Variants in TBC1D16 observed in about 807,000 individuals in gnomAD.
The protein encoded by TBC1D16 is CTD-2529O21.1.
In TBC1D16, 58 loss-of-function variants were observed where a neutral mutation model predicts 74.7. The observed-to-expected ratio is 0.78, with a 90% CI of 0.63 to 0.97. The LOEUF is 0.97. Among genes scored for constraint, TBC1D16 ranks in the 50% least tolerant of loss-of-function variants. TBC1D16 has a pLI of 0.00. For missense variants in TBC1D16, 1,014 were observed against 1,079.5 expected, an observed-to-expected ratio of 0.94 and a Z score of 0.85; for synonymous variants, 493 against 474.7, an observed-to-expected ratio of 1.04 and a Z score of -0.50.
rs1468532228 is a variant in TBC1D16, at chr17:79,991,212, C to A, written c.779+18948G>T. Among the ~76,000 whole-genome samples the A allele has an allele frequency of 2.0e-5, 3 of 152,248 alleles. No individual in the cohort carries two copies. The South Asian group carries it at 6.2e-4, about 31-fold the overall frequency. The stretch of plus-strand genomic sequence containing the variant: ...TGGGCTGTCCCGGGGGCGGTCCCTG[C>A]GTCCACGCCGGGAGAGCAGGAATGA... On this transcript the variant is annotated intron_variant, in intron 3 of 11. Coordinates refer to ENST00000310924, the MANE Select transcript of TBC1D16 (RefSeq NM_019020.4).
rs1305180959 is a variant in TBC1D16 at position 79,994,910 on chromosome 17, A to G, written c.779+15250T>C. 6.6e-6 allele frequency among the ~76,000 whole-genome samples: 1 copy of G among 152,200 alleles called. No individual in the cohort carries two copies. The highest frequency in any genetic ancestry group is 2.4e-5 in the African/African-American group (1 of 41,454). The stretch of plus-strand genomic sequence containing the variant: ...TTCCCATCGGCGGCCGTGTATACTG[A>G]TCCCACATTGGAATGATACTATTTT... On this transcript the variant is annotated intron_variant, in intron 3 of 11. Coordinates refer to ENST00000310924, the MANE Select transcript of TBC1D16 (RefSeq NM_019020.4). This position sits in a 1 kb window ranked among gnomAD's most constrained non-coding sequence, Gnocchi z 4.6.
At chr17:79,960,808 A>AAAAAAAAAAAAC (rs2033575314) in intron 3 of TBC1D16, among the ~76,000 whole-genome samples, 5 of 139,534 alleles carry the variant, frequency 3.6e-5, no homozygotes, top group African/African-American at 1.4e-4. Flanking sequence ...AAAAAAAAAA[A>AAAAAAAAAAAAC]ACGAAGGAAT....
chr17:79,932,724 T>C lies in TBC1D16; in HGVS notation c.*8135A>G, dbSNP rs929589223. ...CCTTGGTGAAGGCTTCCCACTTTGG[T>C]GACTTGCATGTGCCCCTCTTTGTTG... On this transcript the variant is annotated 3_prime_UTR_variant, in exon 12 of 12. Transcript: ENST00000310924. 1.3e-5 allele frequency: 2 copies of C among 152,202 alleles called. No homozygotes were observed. The highest frequency in any genetic ancestry group is 2.9e-5 in the Non-Finnish European group (2 of 68,030). 9.4% of individuals were successfully genotyped at this position (152,202 alleles called of 1,614,324 possible).
chr17:80,031,619 C>A (rs537721878), intron 1 of TBC1D16, among the ~76,000 whole-genome samples: 10 of 152,286 alleles, frequency 6.6e-5, no homozygotes, highest in African/African-American at 2.4e-4. Flanking sequence ...AAAGCCTCTG[C>A]CTCCAAGGAG....
chr17:79,990,217 C>G lies in TBC1D16; in HGVS notation c.779+19943G>C, dbSNP rs991941771. On this transcript the variant is annotated intron_variant, in intron 3 of 11. Transcript: ENST00000310924. This position sits in a 1 kb window ranked among gnomAD's most constrained non-coding sequence, Gnocchi z 4.8. The stretch of plus-strand genomic sequence containing the variant: ...AGGCTTCAACTCAGCCTGAACTAGC[C>G]GCGTGGACAGCAGCCGTAGCCCTCA... Among the ~76,000 whole-genome samples the G allele has an allele frequency of 6.6e-6, 1 of 152,202 alleles. No individual in the cohort carries two copies. The highest frequency in any genetic ancestry group is 2.4e-5 in the African/African-American group (1 of 41,460).
chr17:79,942,373 C>T (rs560230142), intron 10 of TBC1D16, among the ~76,000 whole-genome samples, 167 bp from the exon 11 acceptor site: 1 of 152,284 alleles, frequency 6.6e-6, no homozygotes, highest in Non-Finnish European at 1.5e-5. Flanking sequence ...ACCGCCTCTT[C>T]GGCCCTAAGT....
In TBC1D16 at chr17:79,965,719, G is replaced by C. The variant is rs557568475; in HGVS notation, c.780-12901C>G. 2.6e-5 allele frequency among the ~76,000 whole-genome samples: 4 copies of C among 152,304 alleles called. No individual in the cohort carries two copies. The South Asian group carries it at 8.3e-4, about 32-fold the overall frequency. ...TGACTCTTTTGGCATATGCCTTCCA[G>C]AGACAGCAGTCACATCAACTGGAAA... On this transcript the variant is annotated intron_variant, in intron 3 of 11. Transcript: ENST00000310924.
intron 1 of TBC1D16, among the ~76,000 whole-genome samples, chr17:80,025,111 A>ACTATG (rs1277560369): frequency 0.012 from 985 of 81,072 alleles, 286 homozygotes; most frequent in African/African-American, 0.052. Context: ...TATACACACA[A>ACTATG]ACACCACAGA....
At chr17:79,952,520 G>T in intron 4 of TBC1D16, 137 bp downstream of exon 4, 1 of 1,120,954 alleles carries the variant, frequency 8.9e-7, no homozygotes, top group Non-Finnish European at 1.2e-6. Flanking sequence ...CAGCGAGGGA[G>T]GAAAGCAGAC....
chr17:79,964,451 AT>A (rs1005219470), intron 3 of TBC1D16, among the ~76,000 whole-genome samples: 5 of 152,024 alleles, frequency 3.3e-5, no homozygotes, highest in African/African-American at 9.6e-5. Flanking sequence ...GGTCCAGTTT[AT>A]TTTTTTTATT....
intron 5 of TBC1D16, 147 bp downstream of exon 5, chr17:79,951,303 C>T: frequency 2.1e-6 from 2 of 942,782 alleles, no homozygotes; most frequent in Admixed American, 2.5e-5. Flanking sequence ...AAAGTTGCTG[C>T]TCTGACGGCC....
At position 79,933,554 on chromosome 17, in the gene TBC1D16, T is replaced by C. The variant is rs1365923041; in HGVS notation, c.*7305A>G. ...TAATAACAGAGACCGCACTGGACTA[T>C]GGGGGATCACAATGGGTTTCAGTTT... On this transcript the variant is annotated 3_prime_UTR_variant, in exon 12 of 12. Transcript: ENST00000310924. The C allele has an allele frequency of 6.6e-6, 1 of 152,144 alleles. No individual in the cohort carries two copies. Among genetic ancestry groups the C allele is most frequent in the Non-Finnish European group, 1.5e-5 (1 of 68,070 alleles). The allele number at this position is 152,144 out of a possible 1,614,324, so 9.4% of individuals were successfully genotyped here.
intron 1 of TBC1D16, among the ~76,000 whole-genome samples, chr17:80,028,526 C>G (rs2143382741): frequency 6.6e-6 from 1 of 150,590 alleles, no homozygotes. Context: ...GAGACTCTAT[C>G]TCAAAAAAGA....
At chr17:79,945,489 C>T (rs968073810) in intron 9 of TBC1D16, among the ~76,000 whole-genome samples, 12 of 152,198 alleles carry the variant, frequency 7.9e-5, no homozygotes, top group Admixed American at 2.6e-4. Context: ...CACCCCTCTT[C>T]GGCTACGCTC....
rs1414770376 is a variant in TBC1D16 at position 79,940,935 on chromosome 17, A to C, written c.2228T>G (p.Met743Arg). 3.8e-6 allele frequency: 6 copies of C among 1,596,448 alleles called. No individual in the cohort carries two copies. Among genetic ancestry groups the C allele is most frequent in the Middle Eastern group, 1.7e-4 (1 of 6,034 alleles). Reference sequence around the variant, plus strand: ...TTCCCTCAGGGACTTGGGGGAAGGCATCTCCACCGTGCCCCCGTAGGGACA... The same window carrying C: ...TTCCCTCAGGGACTTGGGGGAAGGCCTCTCCACCGTGCCCCCGTAGGGACA... ...ESCPYGGTVE[M>R]PSPKSLREGK... The change falls in exon 12 of 12, where the codon ATG becomes AGG. Residue 743 changes from methionine (M) to arginine (R), a missense_variant. By Grantham distance (91) the Met-to-Arg change is moderately conservative. Coordinates refer to ENST00000310924, the MANE Select transcript of TBC1D16 (RefSeq NM_019020.4). The surrounding 1 kb of genome is among the most constrained non-coding windows in gnomAD (Gnocchi z 5.4).
At chr17:79,942,418 C>T (rs150031592) in intron 10 of TBC1D16, among the ~76,000 whole-genome samples, 7 of 151,982 alleles carry the variant, frequency 4.6e-5, no homozygotes, top group East Asian at 3.9e-4. Context: ...TCCCAGTACC[C>T]GCATGCCCAG....
At chr17:80,025,539 G>A (rs2036547884) in intron 1 of TBC1D16, among the ~76,000 whole-genome samples, 1 of 145,136 alleles carries the variant, frequency 6.9e-6, no homozygotes, top group African/African-American at 2.6e-5. Context: ...TTTTGCAGCA[G>A]TCCTGGCACC....
intron 10 of TBC1D16, 82 bp from the exon 11 acceptor site, chr17:79,942,288 G>A (rs1300340640): frequency 7.0e-6 from 10 of 1,421,608 alleles, no homozygotes; most frequent in South Asian, 1.3e-5. Context: ...GTGCCAGGGT[G>A]CGAGTGAGGG....
At position 79,952,786 on chromosome 17, in the gene TBC1D16, A is replaced by C. The variant is rs2033140332; in HGVS notation, c.812T>G (p.Phe271Cys). The C allele has an allele frequency of 6.2e-7, 1 of 1,611,438 alleles. No homozygotes were observed. Among genetic ancestry groups the C allele is most frequent in the Non-Finnish European group, 8.5e-7 (1 of 1,178,942 alleles). The change falls in exon 4 of 12, where the codon TTC becomes TGC. Residue 271 changes from phenylalanine (F) to cysteine (C), a missense_variant. Coordinates refer to ENST00000310924, the MANE Select transcript of TBC1D16 (RefSeq NM_019020.4). Reference protein sequence around the residue: ...PPSSSDAGLRFPDSNGLLQTP... With the variant: ...PPSSSDAGLRCPDSNGLLQTP... The stretch of plus-strand genomic sequence containing the variant: ...CTGCAGGAGGCCGTTGCTGTCCGGG[A>C]ACCGCAGGCCGGCGTCGGAGCTGGA...
Sources: allele counts gnomAD v4.1 joint callset (sites outside exome capture counted in the v4.1 genomes callset), GRCh38; gene constraint gnomAD v4.1.1; non-coding constraint Gnocchi (gnomAD v3.1); transcripts MANE v1.5; gene names NCBI Gene and HGNC (gene_info 2026-07-23, HGNC 2026-07-21).